Variants in CREB3L1 observed in about 807,000 individuals in gnomAD.
CREB3L1 encodes the protein cAMP responsive element binding protein 3 like 1.
Under a neutral mutation model 54.5 loss-of-function variants are expected in CREB3L1, and 33 were observed. The observed-to-expected ratio is 0.61, with a 90% CI of 0.46 to 0.81. CREB3L1 has a LOEUF of 0.81. Ranked by LOEUF, CREB3L1 falls within the 30% of genes least tolerant of loss-of-function variation. The pLI is 0.00. For missense variants in CREB3L1, 656 were observed against 673.3 expected (o/e 0.97, Z 0.29); for synonymous variants, 284 against 286.4 (o/e 0.99, Z 0.08).
At chr11:46,303,046 A>T (rs1297196205) in intron 2 of CREB3L1, among the ~76,000 whole-genome samples, 1 of 152,186 alleles carries the variant, frequency 6.6e-6, no homozygotes, top group Non-Finnish European at 1.5e-5. Flanking sequence ...CGCCCACAGT[A>T]AAATGCAGAA....
At chr11:46,313,676 T>C (rs1939524522) in intron 8 of CREB3L1, among the ~76,000 whole-genome samples, 1 of 150,588 alleles carries the variant, frequency 6.6e-6, no homozygotes, top group Admixed American at 6.6e-5. Flanking sequence ...AGACTCTGTC[T>C]CAAAAAAAAA....
At chr11:46,286,304 T>C (rs1939054422) in intron 1 of CREB3L1, among the ~76,000 whole-genome samples, 1 of 152,206 alleles carries the variant, frequency 6.6e-6, no homozygotes, top group African/African-American at 2.4e-5. Context: ...GGCCCTCTTT[T>C]TTAAAGTAGA....
At chr11:46,305,120 G>A (rs1939360660) in intron 2 of CREB3L1, among the ~76,000 whole-genome samples, 1 of 152,080 alleles carries the variant, frequency 6.6e-6, no homozygotes, top group Non-Finnish European at 1.5e-5. Flanking sequence ...TTGAATGTTG[G>A]CTCCCCTCCC....
chr11:46,314,632 C>A (rs1939538335), intron 8 of CREB3L1, among the ~76,000 whole-genome samples: 1 of 151,900 alleles, frequency 6.6e-6, no homozygotes, highest in South Asian at 2.1e-4. Context: ...TGCTTTGGCT[C>A]CCAAAGTGCT....
intron 6 of CREB3L1, 58 bp downstream of exon 6, chr11:46,312,532 C>T: frequency 6.2e-7 from 1 of 1,608,986 alleles, no homozygotes; most frequent in Non-Finnish European, 8.5e-7. Flanking sequence ...GCTCCCCTGG[C>T]ATACCAGCTC....
At position 46,303,820 on chromosome 11, in the gene CREB3L1, G is replaced by C. The variant is rs1181532458; in HGVS notation, c.331+3657G>C. The stretch of plus-strand genomic sequence containing the variant: ...GTTTGAGACCAGCCTGGGCAACATA[G>C]CAAAACACCTTCTCCACAAAATTAA... On this transcript the variant is annotated intron_variant, in intron 2 of 11. Transcript: ENST00000621158. Among the ~76,000 whole-genome samples the C allele has an allele frequency of 2.0e-5, 3 of 151,956 alleles. No homozygotes were observed. In the East Asian group the frequency reaches 5.8e-4, roughly 29 times the overall value.
At chr11:46,305,165 C>A (rs1246765648) in intron 2 of CREB3L1, among the ~76,000 whole-genome samples, 1 of 152,156 alleles carries the variant, frequency 6.6e-6, no homozygotes, top group African/African-American at 2.4e-5. Context: ...TCAATGGCTA[C>A]CAGGCAGTGT....
At chr11:46,304,253 A>T (rs1461766045) in intron 2 of CREB3L1, among the ~76,000 whole-genome samples, 1 of 152,116 alleles carries the variant, frequency 6.6e-6, no homozygotes, top group Non-Finnish European at 1.5e-5. Flanking sequence ...AGGGTGGATC[A>T]CCTGAGGTCA....
chr11:46,295,249 T>G lies in CREB3L1; in HGVS notation c.103-4686T>G, dbSNP rs55761379. Reference sequence around the variant, plus strand: ...CTTGGGGAAGGAATTTAGGGAGGGGTAAAACAAGGCTAGAGCTGGTACCAT... The same window carrying G: ...CTTGGGGAAGGAATTTAGGGAGGGGGAAAACAAGGCTAGAGCTGGTACCAT... On this transcript the variant is annotated intron_variant, in intron 1 of 11. Coordinates refer to ENST00000621158, the MANE Select transcript of CREB3L1 (RefSeq NM_052854.4). The surrounding 1 kb of genome is among the most constrained non-coding windows in gnomAD (Gnocchi z 4.6). 0.57 allele frequency: 87,394 copies of G among 152,246 alleles called. 27,834 individuals are homozygous for G. The highest frequency in any genetic ancestry group is 0.87 in the African/African-American group (35,975 of 41,354). The allele number at this position is 152,246 out of a possible 1,614,324, so 9.4% of individuals were successfully genotyped here. A position where few individuals can be genotyped will look rare whatever the true frequency, so the allele number is the denominator to read the frequency against.
chr11:46,314,777 G>A (rs1301290059), intron 8 of CREB3L1, among the ~76,000 whole-genome samples: 4 of 150,024 alleles, frequency 2.7e-5, no homozygotes, highest in Non-Finnish European at 4.4e-5. Flanking sequence ...GCACAATCTC[G>A]GCTCACTGCA....
chr11:46,317,326 C>A (rs746243033), intron 9 of CREB3L1, 35 bp from the exon 10 acceptor site: 1 of 1,613,552 alleles, frequency 6.2e-7, no homozygotes, highest in Non-Finnish European at 8.5e-7. Flanking sequence ...CCCCTCCTTA[C>A]CCCAGATCTG....
intron 1 of CREB3L1, among the ~76,000 whole-genome samples, chr11:46,298,776 A>C (rs1419355960): frequency 6.6e-6 from 1 of 152,202 alleles, no homozygotes; most frequent in South Asian, 2.1e-4. Context: ...AATGTACAAG[A>C]ACCTACCATA....
rs533453694 is a variant in CREB3L1 at position 46,308,825 on chromosome 11, C to T, written c.516+825C>T. Among the ~76,000 whole-genome samples, 5 of 152,308 alleles carry T rather than the reference C, an allele frequency of 3.3e-5. No homozygotes were observed. The South Asian group carries it at 8.3e-4, about 25-fold the overall frequency. On this transcript the variant is annotated intron_variant, in intron 3 of 11. Transcript: ENST00000621158. ...ACCACAGACCCGTGGGATCAAGGGT[C>T]GGCGGCAAATATGCAGGATCTTTTG...
At chr11:46,310,255 TTTTG>T (rs10629837) in intron 4 of CREB3L1, among the ~76,000 whole-genome samples, 188 bp downstream of exon 4, 104 of 150,118 alleles carry the variant, frequency 6.9e-4, no homozygotes, top group East Asian at 5.3e-3. Flanking sequence ...CGTTTTTGTT[TTTTG>T]TTTGTTTGTT....
intron 3 of CREB3L1, among the ~76,000 whole-genome samples, chr11:46,309,606 G>A (rs906551365): frequency 5.3e-5 from 8 of 152,182 alleles, no homozygotes; most frequent in African/African-American, 1.9e-4. Flanking sequence ...GCCTCCTTCT[G>A]TACTACTGCT....
intron 9 of CREB3L1, 132 bp downstream of exon 9, chr11:46,316,517 G>T: frequency 4.7e-6 from 3 of 643,126 alleles, no homozygotes; most frequent in East Asian, 2.8e-5. Flanking sequence ...CCATCCTGGC[G>T]CCTGGTGGGC....
chr11:46,310,831 AC>A (rs1939474091), intron 4 of CREB3L1, 200 bp from the exon 5 acceptor site: 6 of 637,198 alleles, frequency 9.4e-6, no homozygotes, highest in Middle Eastern at 4.5e-4. Flanking sequence ...ATGAGGCAGC[AC>A]CCAGGAATTG....
intron 1 of CREB3L1, among the ~76,000 whole-genome samples, chr11:46,286,278 C>T (rs1252379556): frequency 6.6e-6 from 1 of 152,224 alleles, no homozygotes; most frequent in African/African-American, 2.4e-5. Context: ...GACACTTCTA[C>T]ACTTCCAGCT....
At chr11:46,292,136 C>G (rs1329369064) in intron 1 of CREB3L1, among the ~76,000 whole-genome samples, 1 of 152,180 alleles carries the variant, frequency 6.6e-6, no homozygotes, top group Non-Finnish European at 1.5e-5. Flanking sequence ...TCCCAGGTAC[C>G]TGGTCTGCTG....
Sources: allele counts gnomAD v4.1 joint callset (sites outside exome capture counted in the v4.1 genomes callset), GRCh38; gene constraint gnomAD v4.1.1; non-coding constraint Gnocchi (gnomAD v3.1); transcripts MANE v1.5; gene names NCBI Gene and HGNC (gene_info 2026-07-23, HGNC 2026-07-21).